Variants in SDK1 observed in about 807,000 individuals in gnomAD.
The protein encoded by SDK1 is sidekick cell adhesion molecule 1, also known as protein sidekick-1.
A neutral mutation model predicts 245.5 loss-of-function variants in SDK1; 157 were observed. The observed-to-expected ratio is 0.64, with a 90% CI of 0.56 to 0.73. The LOEUF (loss-of-function observed/expected upper bound fraction) is 0.73. SDK1 is among the 30% of genes least tolerant of loss of function. SDK1 has a pLI of 0.00. For missense variants in SDK1, 3,583 were observed against 3,002.3 expected (o/e 1.19, Z -4.52); for synonymous variants, 1,647 against 1,278.5 (o/e 1.29, Z -6.15).
At chr7:3,896,673 G>A (rs928799949) in intron 5 of SDK1, among the ~76,000 whole-genome samples, 10 of 152,230 alleles carry the variant, frequency 6.6e-5, no homozygotes, top group East Asian at 1.9e-4. Context: ...TCACTGTCCC[G>A]TGCTGCCGGT....
At chr7:3,722,242 C>A (rs781420831) in intron 4 of SDK1, among the ~76,000 whole-genome samples, 2 of 152,034 alleles carry the variant, frequency 1.3e-5, no homozygotes, top group Non-Finnish European at 2.9e-5. Flanking sequence ...GTAGACTGTA[C>A]AGAAGAAGGG....
rs146123479 is a variant in SDK1 at position 3,362,901 on chromosome 7, T to TA, written c.298+61022dup. Reference sequence around the variant, plus strand: ...TTCATTTCAGTGTAGTTCAGTCACTTAAAAATATCCACTTAATTTTATTTT... The same window carrying TA: ...TTCATTTCAGTGTAGTTCAGTCACTTAAAAAATATCCACTTAATTTTATTTT... On this transcript the variant is annotated intron_variant, in intron 1 of 44. Transcript: ENST00000404826. 3.8e-3 allele frequency among the ~76,000 whole-genome samples: 580 copies of TA among 152,336 alleles called. 7 individuals carry two copies. Among genetic ancestry groups the TA allele is most frequent in the African/African-American group, 0.013 (536 of 41,580 alleles).
At chr7:3,947,368 G>A (rs1780619564) in intron 5 of SDK1, among the ~76,000 whole-genome samples, 1 of 151,974 alleles carries the variant, frequency 6.6e-6, no homozygotes, top group Admixed American at 6.6e-5. Flanking sequence ...TTTAGACTAT[G>A]GATTAATTCT....
chr7:4,140,333 C>T (rs940642963), intron 28 of SDK1, among the ~76,000 whole-genome samples: 1 of 152,162 alleles, frequency 6.6e-6, no homozygotes, highest in African/African-American at 2.4e-5. Flanking sequence ...TTCTTTGGCA[C>T]TTTCTGGAAC....
At chr7:3,929,929 G>A (rs538013668) in intron 5 of SDK1, among the ~76,000 whole-genome samples, 1 of 152,282 alleles carries the variant, frequency 6.6e-6, no homozygotes, top group South Asian at 2.1e-4. Context: ...CATGATGGGA[G>A]GTGAGGGGAG....
rs71552309 is a variant in SDK1 at position 3,485,683 on chromosome 7, G to GTTTTTTTTTTTT, written c.299-133386_299-133375dup. On this transcript the variant is annotated intron_variant, in intron 1 of 44. Coordinates refer to ENST00000404826, the MANE Select transcript of SDK1 (RefSeq NM_152744.4). ...GTGCTGAGGGGATGATCTTTGGAGG[G>GTTTTTTTTTTTT]TTTTTTTTTTTTTTTTTTTTTTGAG... is the stretch of plus-strand genomic sequence containing the variant. Among the ~76,000 whole-genome samples, 63 of 38,170 alleles carry GTTTTTTTTTTTT rather than the reference G, an allele frequency of 1.7e-3. 12 individuals carry two copies. The highest frequency in any genetic ancestry group is 6.8e-3 in the South Asian group (4 of 590). The allele number at this position is 38,170 out of a possible 152,430, so 25.0% of individuals were successfully genotyped here.
intron 5 of SDK1, among the ~76,000 whole-genome samples, chr7:3,863,739 C>T (rs1780752690): frequency 6.6e-6 from 1 of 152,322 alleles, no homozygotes; most frequent in African/African-American, 2.4e-5. Flanking sequence ...CTTCAGGGTT[C>T]ATCCATGTTG....
chr7:3,790,632 A>C (rs534284389), intron 4 of SDK1, among the ~76,000 whole-genome samples: 2 of 152,194 alleles, frequency 1.3e-5, no homozygotes, highest in East Asian at 3.9e-4. Context: ...ACATGGTGAA[A>C]CCCCATCTCA....
At chr7:3,391,015 T>A (rs1781735791) in intron 1 of SDK1, among the ~76,000 whole-genome samples, 1 of 152,192 alleles carries the variant, frequency 6.6e-6, no homozygotes, top group Admixed American at 6.5e-5. Context: ...TTTTCCAGTT[T>A]TGGAGTTCTG....
In SDK1 at chr7:3,705,857, G is replaced by T. The variant is rs1479804870; in HGVS notation, c.713+63752G>T. Among the ~76,000 whole-genome samples the T allele has an allele frequency of 3.9e-5, 6 of 152,026 alleles. No homozygotes were observed. In the East Asian group the frequency reaches 1.2e-3, roughly 29 times the overall value. On this transcript the variant is annotated intron_variant, in intron 4 of 44. Transcript: ENST00000404826. ...ATTTCAGTTCTCAGGGAGAATACTT[G>T]CAGCTTTGTGCCATTCATGATGCAA...
chr7:4,158,848 G>A (rs1455123725), intron 31 of SDK1, among the ~76,000 whole-genome samples: 3 of 152,190 alleles, frequency 2.0e-5, no homozygotes, highest in East Asian at 1.9e-4. Context: ...AAATGTCAGC[G>A]GGTAGCTGGG....
At chr7:3,790,448 G>T (rs1781045618) in intron 4 of SDK1, among the ~76,000 whole-genome samples, 1 of 152,270 alleles carries the variant, frequency 6.6e-6, no homozygotes, top group African/African-American at 2.4e-5. Flanking sequence ...GGAAAGGTGG[G>T]TTTGGAGCTG....
intron 1 of SDK1, among the ~76,000 whole-genome samples, chr7:3,577,995 A>G (rs986341339): frequency 7.2e-5 from 11 of 152,028 alleles, no homozygotes; most frequent in African/African-American, 2.4e-4. Flanking sequence ...CTTTCCACTC[A>G]ACTTACAGTG....
At chr7:3,871,412 T>C (rs939379851) in intron 5 of SDK1, among the ~76,000 whole-genome samples, 13 of 148,714 alleles carry the variant, frequency 8.7e-5, no homozygotes, top group African/African-American at 2.8e-4. Flanking sequence ...CTTGTTGCAC[T>C]GGTTAGGACT....
At chr7:4,249,266 A>G (rs574932256) in intron 44 of SDK1, among the ~76,000 whole-genome samples, 1 of 152,282 alleles carries the variant, frequency 6.6e-6, no homozygotes, top group South Asian at 2.1e-4. Context: ...CGCACTGATG[A>G]GCTGGACTGG....
chr7:4,059,975 G>A (rs1779430920), intron 19 of SDK1, among the ~76,000 whole-genome samples: 2 of 151,770 alleles, frequency 1.3e-5, no homozygotes, highest in African/African-American at 2.4e-5. Flanking sequence ...CGCCTCCCAG[G>A]TTCACGCCAT....
intron 1 of SDK1, among the ~76,000 whole-genome samples, chr7:3,581,719 C>T (rs1189952755): frequency 6.6e-6 from 1 of 152,114 alleles, no homozygotes; most frequent in East Asian, 1.9e-4. Flanking sequence ...CAGCAGTATT[C>T]ACAATAGCAA....
intron 1 of SDK1, among the ~76,000 whole-genome samples, chr7:3,462,510 T>C (rs1780864394): frequency 6.6e-6 from 1 of 152,210 alleles, no homozygotes; most frequent in Admixed American, 6.5e-5. Flanking sequence ...TATAGATGAT[T>C]CAAAAATTTA....
chr7:3,801,469 G>A (rs757822513), intron 4 of SDK1, among the ~76,000 whole-genome samples: 1 of 151,986 alleles, frequency 6.6e-6, no homozygotes, highest in Non-Finnish European at 1.5e-5. Flanking sequence ...GAGTTCTTAC[G>A]GCTACATTTA....
Sources: gnomAD v4.1 joint callset for allele counts (sites outside exome capture counted in the v4.1 genomes callset) on GRCh38, gnomAD v4.1.1 for gene constraint, MANE v1.5 for transcripts, NCBI Gene and HGNC (gene_info 2026-07-23, HGNC 2026-07-21) for gene names.